Variants in FGD2 observed in about 807,000 individuals in gnomAD.
FGD2 encodes FYVE, RhoGEF and PH domain-containing protein 2.
In FGD2, 52 loss-of-function variants were observed where a neutral mutation model predicts 75.9. That is an observed-to-expected ratio of 0.69 (90% CI 0.55 to 0.86). The LOEUF is 0.86. Among genes scored for constraint, FGD2 ranks in the 40% least tolerant of loss-of-function variants. FGD2 has a pLI of 0.00. For synonymous variants in FGD2, 347 were observed against 348.6 expected, an observed-to-expected ratio of 1.00 and a Z score of 0.05; for missense variants, 790 against 872.0, an observed-to-expected ratio of 0.91 and a Z score of 1.18.
Position 37,021,580 on chromosome 6 carries a change from T to C in FGD2, c.1302T>C (p.Pro434=). ...NETFKAAAQG[P]EGDIQEQELQ... is the part of the protein sequence containing the mutation. ...CCTTCAAGGCTGCGGCCCAGGGGCC[T>C]GAGGGAGACATCCAGGAGCAGGAGG... Residue 434 remains proline (P), a synonymous_variant, in exon 12 of 16, where the codon CCT becomes CCC. Coordinates refer to ENST00000274963, the MANE Select transcript of FGD2 (RefSeq NM_173558.4). 2.5e-6 allele frequency: 4 copies of C among 1,613,952 alleles called. No homozygotes were observed. Among genetic ancestry groups the C allele is most frequent in the Non-Finnish European group, 3.4e-6 (4 of 1,179,894 alleles).
chr6:37,019,855 C>CTT (rs11385767), intron 9 of FGD2, among the ~76,000 whole-genome samples: 15,728 of 136,110 alleles, frequency 0.12, 1,074 homozygotes, highest in Admixed American at 0.13. Context: ...CTTTTCTTTT[C>CTT]TTTTTTTTTT....
intron 12 of FGD2, chr6:37,021,890 A>G (rs1396358891): frequency 4.2e-6 from 2 of 476,412 alleles, no homozygotes; most frequent in Non-Finnish European, 7.5e-6. Flanking sequence ...GTTTGAAAGT[A>G]TCTGAGAAAT....
rs750308518 is a variant in FGD2 at position 37,014,658 on chromosome 6, T to C, written c.836T>C (p.Met279Thr). Reference sequence around the variant, plus strand: ...CTGCCCCTTTCAGAAGCCCTGGACATGATCTTCTCAGCTGCCCAGCACTCC... The same window carrying C: ...CTGCCCCTTTCAGAAGCCCTGGACACGATCTTCTCAGCTGCCCAGCACTCC... ...DQADAQKALD[M>T]IFSAAQHSNA... Residue 279 changes from methionine to threonine, a missense_variant, in exon 7 of 16, where the codon ATG (methionine) becomes ACG (threonine). Transcript: ENST00000274963. 2.4e-5 allele frequency: 38 copies of C among 1,613,880 alleles called. No homozygotes were observed. In the South Asian group the frequency reaches 3.5e-4, roughly 15 times the overall value.
intron 14 of FGD2, among the ~76,000 whole-genome samples, 195 bp from the exon 15 acceptor site, chr6:37,027,234 G>A (rs970248812): frequency 7.9e-5 from 12 of 152,230 alleles, no homozygotes; most frequent in African/African-American, 2.7e-4. Flanking sequence ...GCTGGGGTTT[G>A]ACTGCAGCTC....
chr6:37,016,920 A>AT (rs1765327868), intron 9 of FGD2, among the ~76,000 whole-genome samples: 1 of 152,186 alleles, frequency 6.6e-6, no homozygotes, highest in African/African-American at 2.4e-5. Flanking sequence ...CAATATAAAA[A>AT]ATATATACAA....
In FGD2 at chr6:37,025,303, C is replaced by T. The variant is rs142589089; in HGVS notation, c.1459-489C>T. ...AAACTGTGGGACTTGAAAGACACAC[C>T]CTGTGTGTGGAGGGCCTGTCTGCCA... is the stretch of plus-strand genomic sequence containing the variant. On this transcript the variant is annotated intron_variant, in intron 13 of 15. Coordinates refer to ENST00000274963, the MANE Select transcript of FGD2 (RefSeq NM_173558.4). 7.9e-3 allele frequency: 1,294 copies of T among 163,236 alleles called. 6 individuals carry two copies. Among genetic ancestry groups the T allele is most frequent in the Non-Finnish European group, 0.014 (1,038 of 74,044 alleles). 10.1% of individuals were successfully genotyped at this position (163,236 alleles called of 1,614,324 possible).
chr6:37,013,758 G>C lies in FGD2; in HGVS notation c.677G>C (p.Arg226Pro). The C allele has an allele frequency of 1.2e-6, 2 of 1,613,888 alleles. No individual in the cohort carries two copies. Among genetic ancestry groups the C allele is most frequent in the Non-Finnish European group, 1.7e-6 (2 of 1,179,896 alleles). ...KSPLFQEVLT[R>P]IQSSEASGSL... ...CCACTCTTCCAGGAGGTTCTCACTC[G>C]CATCCAGGTGAGGCTGGGGGAGGGC... Residue 226 changes from arginine (R) to proline (P), a missense_variant, in exon 5 of 16, where the codon CGC becomes CCC. Coordinates refer to ENST00000274963, the MANE Select transcript of FGD2 (RefSeq NM_173558.4).
intron 9 of FGD2, among the ~76,000 whole-genome samples, chr6:37,019,336 G>T (rs370302844): frequency 6.6e-6 from 1 of 152,168 alleles, no homozygotes; most frequent in African/African-American, 2.4e-5. Context: ...ATTGCCAAGG[G>T]CATCGAATCC....
chr6:37,009,216 T>C (rs1435892830), intron 2 of FGD2, 151 bp downstream of exon 2: 10 of 694,698 alleles, frequency 1.4e-5, no homozygotes, highest in South Asian at 4.0e-5. Context: ...GATTTCCCCA[T>C]GCTTAATGGC....
intron 14 of FGD2, chr6:37,026,218 C>T: frequency 1.0e-6 from 1 of 985,452 alleles, no homozygotes; most frequent in Non-Finnish European, 1.2e-6. Flanking sequence ...AGTACGGCCC[C>T]TCTGGACAGC....
At chr6:37,024,817 G>A (rs959662236) in intron 13 of FGD2, 8 of 152,104 alleles carry the variant, frequency 5.3e-5, no homozygotes, top group African/African-American at 1.7e-4. Flanking sequence ...TCGGTGGTTC[G>A]GGTGCCAGTT....
intron 4 of FGD2, 171 bp from the exon 5 acceptor site, chr6:37,013,438 C>A (rs1765118660): frequency 1.4e-6 from 2 of 1,420,914 alleles, no homozygotes; most frequent in Admixed American, 2.9e-5. Flanking sequence ...GGCTCACAGT[C>A]TAAGGAGTAG....
intron 9 of FGD2, among the ~76,000 whole-genome samples, chr6:37,018,390 C>T (rs1266653687): frequency 6.6e-6 from 1 of 152,180 alleles, no homozygotes; most frequent in East Asian, 1.9e-4. Flanking sequence ...GCTGTCCACT[C>T]ACCCTACTTC....
Position 37,026,379 on chromosome 6 carries a change from G to A in FGD2, c.1605+441G>A, listed in dbSNP as rs566013011. ...CTGGAAGGGACTCCAGGGGCCAGTC[G>A]GTCTTATCCCATGGAGACCCAGGGC... is the stretch of plus-strand genomic sequence containing the variant. On this transcript the variant is annotated intron_variant, in intron 14 of 15. Transcript: ENST00000274963. 105 of 985,346 alleles carry A rather than the reference G, an allele frequency of 1.1e-4. No individual in the cohort carries two copies. In the African/African-American group the frequency reaches 1.4e-3, roughly 14 times the overall value. 61.0% of individuals were successfully genotyped at this position (985,346 alleles called of 1,614,324 possible).
intron 3 of FGD2, chr6:37,011,406 T>C (rs938433729): frequency 1.1e-5 from 6 of 555,664 alleles, no homozygotes; most frequent in South Asian, 2.2e-5. Context: ...GGGTTATTCA[T>C]CACCGCAGGG....
chr6:37,010,711 G>A (rs970087089), intron 2 of FGD2, among the ~76,000 whole-genome samples: 2 of 152,176 alleles, frequency 1.3e-5, no homozygotes, highest in East Asian at 1.9e-4. Context: ...ACCCCTTGAT[G>A]TAGTGATTCA....
rs777924662 is a variant in FGD2 at position 37,014,685 on chromosome 6, A to G, written c.863A>G (p.Asn288Ser). 6 of 1,613,872 alleles carry G rather than the reference A, an allele frequency of 3.7e-6. No homozygotes were observed. The African/African-American group carries it at 4.0e-5, about 11-fold the overall frequency. ...ATCTTCTCAGCTGCCCAGCACTCCA[A>G]TGCAGCCATCACTGAGATGGTAAGC... ...DMIFSAAQHSNAAITEMERLQ... is the reference protein window; with the variant it reads ...DMIFSAAQHSSAAITEMERLQ... The change falls in exon 7 of 16, where the codon AAT (asparagine) becomes AGT (serine). Residue 288 changes from asparagine (N) to serine (S), a missense_variant. Asn to Ser is a conservative substitution (Grantham distance 46). Coordinates refer to ENST00000274963, the MANE Select transcript of FGD2 (RefSeq NM_173558.4).
At position 37,027,986 on chromosome 6, in the gene FGD2, C is replaced by T; in HGVS notation, c.1791C>T (p.Tyr597=). The part of the protein sequence containing the change: ...RAHTSIPLLG[Y]QVTVGPQGDP... Reference sequence around the variant, plus strand: ...ACACCTCCATCCCCCTGCTGGGCTACCAGGTGACTGTTGGGCCCCAGGGGG... The same window carrying T: ...ACACCTCCATCCCCCTGCTGGGCTATCAGGTGACTGTTGGGCCCCAGGGGG... Residue 597 remains tyrosine (Y), a synonymous_variant, in exon 16 of 16, where the codon TAC becomes TAT. Transcript: ENST00000274963. 6.2e-7 allele frequency: 1 copy of T among 1,614,100 alleles called. No individual in the cohort carries two copies. The highest frequency in any genetic ancestry group is 8.5e-7 in the Non-Finnish European group (1 of 1,180,030).
At chr6:37,011,226 G>C in intron 3 of FGD2, 176 bp downstream of exon 3, 1 of 643,244 alleles carries the variant, frequency 1.6e-6, no homozygotes, top group East Asian at 2.7e-5. Flanking sequence ...AGGAGGTCTT[G>C]TTAGCAGTAC....
Sources: gnomAD v4.1 joint callset for allele counts (sites outside exome capture counted in the v4.1 genomes callset) on GRCh38, gnomAD v4.1.1 for gene constraint, MANE v1.5 for transcripts, NCBI Gene and HGNC (gene_info 2026-07-23, HGNC 2026-07-21) for gene names.